DTHD1: variants seen among roughly 807,000 people sequenced by gnomAD.
DTHD1 encodes death domain-containing protein 1.
In DTHD1, 59 loss-of-function variants were observed where a neutral mutation model predicts 74.8. The ratio of observed to expected loss-of-function variants is 0.79; its 90% confidence interval spans 0.64 to 0.98. The LOEUF is 0.98. Ranked by LOEUF, DTHD1 falls within the 50% of genes least tolerant of loss-of-function variation. The pLI is 0.00. For synonymous variants in DTHD1, 365 were observed against 371.1 expected, an observed-to-expected ratio of 0.98 and a Z score of 0.19; for missense variants, 1,051 against 1,065.4, an observed-to-expected ratio of 0.99 and a Z score of 0.19.
At chr4:36,321,064 T>C (rs1054187844) in intron 8 of DTHD1, among the ~76,000 whole-genome samples, 2 of 152,240 alleles carry the variant, frequency 1.3e-5, no homozygotes, top group Non-Finnish European at 2.9e-5. Flanking sequence ...TCTCTGCGTC[T>C]CTTATTCTTC....
intron 5 of DTHD1, among the ~76,000 whole-genome samples, chr4:36,300,266 G>C (rs770717477): frequency 5.9e-5 from 9 of 152,126 alleles, no homozygotes; most frequent in African/African-American, 9.7e-5. Flanking sequence ...CCTCTGCTGA[G>C]AACCATCTGC....
intron 7 of DTHD1, among the ~76,000 whole-genome samples, chr4:36,313,361 G>A (rs1026883838): frequency 6.6e-5 from 10 of 151,012 alleles, no homozygotes; most frequent in African/African-American, 2.4e-4. Flanking sequence ...TACACTTTGG[G>A]TATGGAATGA....
rs561257782 is a variant in DTHD1 at position 36,315,295 on chromosome 4, T to C, written c.2096-947T>C. Among the ~76,000 whole-genome samples the C allele has an allele frequency of 2.2e-4, 33 of 152,334 alleles. 1 individual carries two copies. Among genetic ancestry groups the C allele is most frequent in the African/African-American group, 7.9e-4 (33 of 41,586 alleles). On this transcript the variant is annotated intron_variant, in intron 7 of 9. Transcript: ENST00000639862. The stretch of plus-strand genomic sequence containing the variant: ...AAGGAGTTGATAAAACATTTATATA[T>C]TATCATTTTAGGAGAATCTGTCAGG...
chr4:36,310,359 A>T (rs987849246), intron 7 of DTHD1, among the ~76,000 whole-genome samples: 3 of 152,222 alleles, frequency 2.0e-5, no homozygotes, highest in Admixed American at 2.0e-4. Flanking sequence ...GCTGTGTGGG[A>T]ATAGAGAGGA....
intron 5 of DTHD1, among the ~76,000 whole-genome samples, chr4:36,301,164 T>G (rs1560794723): frequency 6.6e-6 from 1 of 152,186 alleles, no homozygotes; most frequent in Non-Finnish European, 1.5e-5. Context: ...AATTGTGCAC[T>G]GTTAGGCTTG....
chr4:36,301,498 A>G (rs1756770687), intron 5 of DTHD1, among the ~76,000 whole-genome samples: 2 of 152,212 alleles, frequency 1.3e-5, no homozygotes, highest in African/African-American at 4.8e-5. Context: ...GGAAAGATGC[A>G]GAGAAGAGAA....
chr4:36,311,261 C>A (rs1298278630), intron 7 of DTHD1: 2 of 152,138 alleles, frequency 1.3e-5, no homozygotes, highest in Non-Finnish European at 2.9e-5. Flanking sequence ...CCTGGGTTTG[C>A]TTTTCCTAGG....
intron 8 of DTHD1, among the ~76,000 whole-genome samples, chr4:36,321,930 T>A (rs1240419223): frequency 6.6e-6 from 1 of 152,180 alleles, no homozygotes; most frequent in Admixed American, 6.5e-5. Context: ...TGCTTCTGCT[T>A]TAGGTCTTTG....
rs112872316 is a variant in DTHD1 at position 36,346,293 on chromosome 4, T to C, written c.*2469T>C. ...TTACCGTTACCACTTCACCTGCACA[T>C]ATACAATCTCATTAAAACACTCCCT... On this transcript the variant is annotated 3_prime_UTR_variant, in exon 10 of 10. Coordinates refer to ENST00000639862, the MANE Select transcript of DTHD1 (RefSeq NM_001170700.3). 1.3e-5 allele frequency among the ~76,000 whole-genome samples: 2 copies of C among 151,930 alleles called. No homozygotes were observed. Among genetic ancestry groups the C allele is most frequent in the African/African-American group, 4.8e-5 (2 of 41,440 alleles).
chr4:36,312,503 C>A (rs1553969216), intron 7 of DTHD1, among the ~76,000 whole-genome samples: 1 of 150,926 alleles, frequency 6.6e-6, no homozygotes, highest in Non-Finnish European at 1.5e-5. Context: ...AAGAATAAAG[C>A]AGGGAAAGGA....
chr4:36,309,573 G>A lies in DTHD1; in HGVS notation c.2095+1080G>A, dbSNP rs73117699. Among the ~76,000 whole-genome samples, 206 of 152,034 alleles carry A rather than the reference G, an allele frequency of 1.4e-3. 1 individual carries two copies. Among genetic ancestry groups the A allele is most frequent in the African/African-American group, 4.5e-3 (187 of 41,426 alleles). On this transcript the variant is annotated intron_variant, in intron 7 of 9. Coordinates refer to ENST00000639862, the MANE Select transcript of DTHD1 (RefSeq NM_001170700.3). ...TATGCTATGTCCTTTACCCTTCACC[G>A]GAATGAAAACTTCATGAGGGCAATG...
chr4:36,284,120 T>C lies in DTHD1; in HGVS notation c.416T>C (p.Ile139Thr). The stretch of plus-strand genomic sequence containing the variant: ...ACTCCACAGCAGACAATGTCCTCCA[T>C]TCAAGATACCAAAGCAGCAGACATT... ...ECTPQQTMSS[I>T]QDTKAADIAA... Residue 139 changes from isoleucine (I) to threonine (T), a missense_variant, in exon 2 of 10, where the codon ATT becomes ACT. By Grantham distance (89) the Ile-to-Thr change is moderately conservative (BLOSUM62 -1). Transcript: ENST00000639862. 6.5e-7 allele frequency: 1 copy of C among 1,537,218 alleles called. No homozygotes were observed. Among genetic ancestry groups the C allele is most frequent in the South Asian group, 1.2e-5 (1 of 84,062 alleles).
At chr4:36,285,289 G>T (rs1435597681) in intron 2 of DTHD1, among the ~76,000 whole-genome samples, 4 of 152,106 alleles carry the variant, frequency 2.6e-5, no homozygotes, top group Non-Finnish European at 4.4e-5. Flanking sequence ...AGACTGTAGG[G>T]TGTTAGAAGA....
rs931094405 is a variant in DTHD1, at chr4:36,284,096, C to A, written c.392C>A (p.Thr131Asn). Residue 131 changes from threonine to asparagine, a missense_variant, in exon 2 of 10, where the codon ACT becomes AAT. Coordinates refer to ENST00000639862, the MANE Select transcript of DTHD1 (RefSeq NM_001170700.3). ...CNLCGMHDEC[T>N]PQQTMSSIQD... ...TTATGCGGCATGCATGATGAATGTA[C>A]TCCACAGCAGACAATGTCCTCCATT... 1 of 1,537,192 alleles carries A rather than the reference C, an allele frequency of 6.5e-7. No individual in the cohort carries two copies. The highest frequency in any genetic ancestry group is 2.0e-5 in the Admixed American group (1 of 50,996).
intron 8 of DTHD1, among the ~76,000 whole-genome samples, chr4:36,336,581 T>C (rs1463906779): frequency 1.3e-5 from 2 of 152,288 alleles, no homozygotes; most frequent in South Asian, 2.1e-4. Context: ...GGAGGTCCAG[T>C]ATGTGTGATC....
chr4:36,325,263 A>C (rs1758274746), intron 8 of DTHD1, among the ~76,000 whole-genome samples: 1 of 152,232 alleles, frequency 6.6e-6, no homozygotes, highest in South Asian at 2.1e-4. Context: ...TTTTTGAGTA[A>C]ACAACAAAAT....
At chr4:36,338,770 C>T (rs1411723870) in intron 8 of DTHD1, among the ~76,000 whole-genome samples, 1 of 152,084 alleles carries the variant, frequency 6.6e-6, no homozygotes, top group African/African-American at 2.4e-5. Flanking sequence ...TTACAAAATA[C>T]CATCTTTACA....
chr4:36,314,071 T>TTG (rs1757554370), intron 7 of DTHD1, among the ~76,000 whole-genome samples: 1 of 124,282 alleles, frequency 8.0e-6, no homozygotes, highest in Non-Finnish European at 1.6e-5. Context: ...AGGAATCTGT[T>TTG]TTTTTTTTTT....
At chr4:36,311,260 G>T (rs1308421693) in intron 7 of DTHD1, 1 of 152,158 alleles carries the variant, frequency 6.6e-6, no homozygotes, top group East Asian at 1.9e-4. Context: ...TCCTGGGTTT[G>T]CTTTTCCTAG....
Sources: allele counts gnomAD v4.1 joint callset (sites outside exome capture counted in the v4.1 genomes callset), GRCh38; gene constraint gnomAD v4.1.1; transcripts MANE v1.5; gene names NCBI Gene and HGNC (gene_info 2026-07-23, HGNC 2026-07-21).